TNNT2: variants seen among roughly 807,000 people sequenced by gnomAD.
The protein encoded by TNNT2 is troponin T2, cardiac type.
TNNT2 carries 34 observed loss-of-function variants against 62.4 expected under a neutral mutation model. The ratio of observed to expected loss-of-function variants is 0.54; its 90% CI spans 0.41 to 0.72. TNNT2 has a LOEUF of 0.72. TNNT2 is among the 30% of genes least tolerant of loss of function. TNNT2 has a pLI of 0.00. For missense variants in TNNT2, 275 were observed against 381.9 expected (o/e 0.72, Z 2.33); for synonymous variants, 123 against 127.2 (o/e 0.97, Z 0.22).
chr1:201,362,529 G>T, intron 12 of TNNT2, 135 bp from the exon 13 acceptor site: 1 of 1,164,226 alleles, frequency 8.6e-7, no homozygotes, highest in East Asian at 2.5e-5. Context: ...GTAGTCAGCC[G>T]GGTTTACTAG....
chr1:201,364,290 T>A lies in TNNT2; in HGVS notation c.489+8A>T. On this transcript the variant is annotated splice_region_variant and intron_variant, in intron 11 of 16. Transcript: ENST00000656932. The stretch of plus-strand genomic sequence containing the variant: ...GGCCTCCATGGGCCTGGGCTAGGGG[T>A]CACTCACAGCCAGGCGGTTCTGCCG... 6.2e-7 allele frequency: 1 copy of A among 1,611,232 alleles called. No homozygotes were observed.
chr1:201,368,981 T>G (rs1237955270), intron 5 of TNNT2, among the ~76,000 whole-genome samples: 2 of 152,192 alleles, frequency 1.3e-5, no homozygotes, highest in African/African-American at 4.8e-5. Flanking sequence ...TGGAGATGCC[T>G]TTTATTTGAT....
intron 8 of TNNT2, chr1:201,366,024 G>C: frequency 8.4e-7 from 1 of 1,186,916 alleles, no homozygotes; most frequent in Non-Finnish European, 1.1e-6. Context: ...ATGCTTCTTG[G>C]ACTTCAAATC....
chr1:201,368,109 C>G, intron 6 of TNNT2, 53 bp downstream of exon 6: 1 of 1,574,920 alleles, frequency 6.3e-7, no homozygotes, highest in Non-Finnish European at 8.7e-7. Flanking sequence ...AGGAATGGCT[C>G]CAGGGGCTCT....
chr1:201,363,578 T>C, intron 11 of TNNT2, 172 bp from the exon 12 acceptor site: 2 of 635,316 alleles, frequency 3.1e-6, no homozygotes, highest in Non-Finnish European at 5.7e-6. Context: ...GTCCACTGAC[T>C]GAGAAATGAC....
intron 12 of TNNT2, 100 bp from the exon 13 acceptor site, chr1:201,362,494 G>T: frequency 1.4e-6 from 2 of 1,456,908 alleles, no homozygotes; most frequent in Non-Finnish European, 1.9e-6. Flanking sequence ...GGAGAGACAT[G>T]GAAGAGAAGA....
intron 1 of TNNT2, among the ~76,000 whole-genome samples, chr1:201,375,786 G>A (rs1338378453): frequency 1.3e-5 from 2 of 152,218 alleles, no homozygotes; most frequent in Non-Finnish European, 2.9e-5. Context: ...TGGGCGCATA[G>A]CTTCTAGCTT....
In TNNT2 at chr1:201,359,260, A is replaced by G. The variant is rs1658136972; in HGVS notation, c.852-5T>C. The G allele has an allele frequency of 1.9e-6, 3 of 1,610,490 alleles. No individual in the cohort carries two copies. The highest frequency in any genetic ancestry group is 2.5e-6 in the Non-Finnish European group (3 of 1,178,920). ...GCCTTCCCGCGGGTCTTGGAGCTGCAGGGGAAGCAGGACGCAGTGACATGG... is the reference window on the plus strand; with the variant it reads ...GCCTTCCCGCGGGTCTTGGAGCTGCGGGGGAAGCAGGACGCAGTGACATGG... On this transcript the variant is annotated splice_polypyrimidine_tract_variant and splice_region_variant and intron_variant, in intron 16 of 16. Coordinates refer to ENST00000656932, the MANE Select transcript of TNNT2 (RefSeq NM_001276345.2).
chr1:201,367,361 C>A, intron 7 of TNNT2: 1 of 389,184 alleles, frequency 2.6e-6, no homozygotes, highest in South Asian at 2.5e-5. Context: ...ACTTAGAACC[C>A]TGGTGAAGGC....
intron 4 of TNNT2, among the ~76,000 whole-genome samples, chr1:201,371,545 C>T (rs769637820): frequency 7.2e-5 from 11 of 152,208 alleles, no homozygotes; most frequent in South Asian, 4.1e-4. Flanking sequence ...CTTAGAGATA[C>T]GGTGTAGCGA....
chr1:201,373,886 C>G lies in TNNT2; in HGVS notation c.-14-618G>C, dbSNP rs536663284. ...CCACACCCATTCCATGTGTGCTGGA[C>G]AAAAGTGAGACCTGGACAAAAGGTC... On this transcript the variant is annotated intron_variant, in intron 1 of 16. Transcript: ENST00000656932. 16 of 163,618 alleles carry G rather than the reference C, an allele frequency of 9.8e-5. No individual in the cohort carries two copies. In the South Asian group the frequency reaches 1.2e-3, roughly 12 times the overall value. 10.1% of individuals were successfully genotyped at this position (163,618 alleles called of 1,614,324 possible).
In TNNT2 at chr1:201,359,246, G is replaced by A. The variant is rs754211195; in HGVS notation, c.861C>T (p.Thr287=). Residue 287 remains threonine, a synonymous_variant, in exon 17 of 17, where the codon ACC becomes ACT. Coordinates refer to ENST00000656932, the MANE Select transcript of TNNT2 (RefSeq NM_001276345.2). ...RINDNQKVSK[T]RGKAKVTGRW... ...GCCCGGTGACTTTAGCCTTCCCGCG[G>A]GTCTTGGAGCTGCAGGGGAAGCAGG... 1 of 1,611,406 alleles carries A rather than the reference G, an allele frequency of 6.2e-7. No individual in the cohort carries two copies. Among genetic ancestry groups the A allele is most frequent in the Non-Finnish European group, 8.5e-7 (1 of 1,179,252 alleles).
chr1:201,371,983 T>A, intron 4 of TNNT2, 44 bp downstream of exon 4: 1 of 1,613,708 alleles, frequency 6.2e-7, no homozygotes, highest in African/African-American at 1.3e-5. Context: ...TCCACATTGC[T>A]GAGCCTGCCC....
At chr1:201,368,902 A>T (rs1301499616) in intron 5 of TNNT2, among the ~76,000 whole-genome samples, 3 of 152,212 alleles carry the variant, frequency 2.0e-5, no homozygotes, top group Non-Finnish European at 4.4e-5. Context: ...GGAAGACACC[A>T]TCGTGGGAGA....
At chr1:201,365,967 G>T in intron 8 of TNNT2, 3 of 1,275,670 alleles carry the variant, frequency 2.4e-6, no homozygotes, top group South Asian at 1.8e-5. Context: ...AGAATGACTT[G>T]CTCAAAGCCA....
Position 201,368,140 on chromosome 1 carries a change from G to A in TNNT2, c.163+22C>T, listed in dbSNP as rs753185151. On this transcript the variant is annotated intron_variant, in intron 6 of 16. Transcript: ENST00000656932. ...GCTCTCGCCACCCCCTGAGGCCCCT[G>A]CACCCTCAACCAGAGACTTACCTTC... 11 of 1,613,704 alleles carry A rather than the reference G, an allele frequency of 6.8e-6. No homozygotes were observed. In the South Asian group the frequency reaches 1.1e-4, roughly 16 times the overall value.
chr1:201,367,896 G>A, intron 6 of TNNT2, 90 bp from the exon 7 acceptor site: 1 of 1,490,244 alleles, frequency 6.7e-7, no homozygotes, highest in South Asian at 1.1e-5. Context: ...CCACAGATAA[G>A]CCCTAGCCAA....
In TNNT2 at chr1:201,370,060, TG is replaced by T. The variant is rs148911823; in HGVS notation, c.68-216del. 0.026 allele frequency among the ~76,000 whole-genome samples: 3,970 copies of T among 152,256 alleles called. 159 individuals carry two copies. Among genetic ancestry groups the T allele is most frequent in the African/African-American group, 0.092 (3,805 of 41,522 alleles). On this transcript the variant is annotated intron_variant, in intron 4 of 16. Coordinates refer to ENST00000656932, the MANE Select transcript of TNNT2 (RefSeq NM_001276345.2). Reference sequence around the variant, plus strand: ...AGCCTCAGGTGCCTCATCAGTAAAATGGGAATCATTCTACTCACTTCTCAGC... The same window carrying T: ...AGCCTCAGGTGCCTCATCAGTAAAATGGAATCATTCTACTCACTTCTCAGC...
chr1:201,359,751 G>T, intron 15 of TNNT2, 88 bp from the exon 16 acceptor site: 1 of 1,122,454 alleles, frequency 8.9e-7, no homozygotes, highest in Non-Finnish European at 1.3e-6. Flanking sequence ...GAAGGGGGCT[G>T]AGTGCAGCAG....
Sources: gnomAD v4.1 joint callset for allele counts (sites outside exome capture counted in the v4.1 genomes callset) on GRCh38, gnomAD v4.1.1 for gene constraint, MANE v1.5 for transcripts, NCBI Gene and HGNC (gene_info 2026-07-23, HGNC 2026-07-21) for gene names.